Variants in C12orf42 observed in about 807,000 individuals in gnomAD.
C12orf42 encodes the protein chromosome 12 open reading frame 42.
C12orf42 carries 25 observed loss-of-function variants against 21.6 expected under a neutral mutation model. That is an observed-to-expected ratio of 1.16 (90% CI 0.84 to 1.62). C12orf42 has a LOEUF of 1.62. C12orf42 is among the 40% of genes most tolerant of loss of function. C12orf42 has a pLI of 0.00. For synonymous variants in C12orf42, 174 were observed against 175.0 expected (o/e 0.99, Z 0.05); for missense variants, 483 against 459.3 (o/e 1.05, Z -0.47).
intron 4 of C12orf42, among the ~76,000 whole-genome samples, chr12:103,360,664 A>C (rs77621470): frequency 2.0e-5 from 3 of 148,674 alleles, no homozygotes; most frequent in Non-Finnish European, 4.6e-5. Flanking sequence ...TAAAAGAATA[A>C]AGAAGTTGGC....
At chr12:103,223,271 C>A in the C12orf42 span, among the ~76,000 whole-genome samples, 2 of 152,042 alleles carry the variant, frequency 1.3e-5, no homozygotes, top group Admixed American at 1.3e-4. Flanking sequence ...TCGTGGGAAC[C>A]TAGAGTGGGA....
chr12:103,346,736 C>A (rs917597982), intron 4 of C12orf42, among the ~76,000 whole-genome samples: 1 of 152,188 alleles, frequency 6.6e-6, no homozygotes, highest in Non-Finnish European at 1.5e-5. Flanking sequence ...CACTACAATA[C>A]GCCATCTGTA....
the C12orf42 span, among the ~76,000 whole-genome samples, chr12:103,093,171 C>T: frequency 6.6e-6 from 1 of 152,200 alleles, no homozygotes; most frequent in African/African-American, 2.4e-5. Flanking sequence ...TCATTTCTCA[C>T]ACCTGGTTTC....
intron 4 of C12orf42, among the ~76,000 whole-genome samples, chr12:103,350,348 T>C (rs1036811450): frequency 2.0e-5 from 3 of 152,202 alleles, no homozygotes; most frequent in Admixed American, 1.3e-4. Context: ...ATGCTGCACA[T>C]GCAACCTGCC....
At chr12:103,276,572 T>G (rs1343324861) in intron 5 of C12orf42, among the ~76,000 whole-genome samples, 1 of 152,152 alleles carries the variant, frequency 6.6e-6, no homozygotes, top group African/African-American at 2.4e-5. Context: ...GAAGGCGAGG[T>G]ATCAGCTAGG....
intron 4 of C12orf42, among the ~76,000 whole-genome samples, chr12:103,312,184 TC>T (rs1341146154): frequency 6.6e-6 from 1 of 152,174 alleles, no homozygotes; most frequent in Non-Finnish European, 1.5e-5. Flanking sequence ...CTTGTTACAC[TC>T]CCTTCTTAGG....
At chr12:103,279,368 G>C (rs1271579525) in intron 4 of C12orf42, among the ~76,000 whole-genome samples, 1 of 151,404 alleles carries the variant, frequency 6.6e-6, no homozygotes, top group Non-Finnish European at 1.5e-5. Context: ...ATATATGCAG[G>C]GTTTTTATTA....
At chr12:103,190,615 A>G in the C12orf42 span, among the ~76,000 whole-genome samples, 1 of 152,250 alleles carries the variant, frequency 6.6e-6, no homozygotes, top group Non-Finnish European at 1.5e-5. Context: ...CTAAACTGAA[A>G]AATGCCATAT....
At chr12:103,257,261 T>C (rs2034660180) in intron 10 of C12orf42, among the ~76,000 whole-genome samples, 1 of 152,110 alleles carries the variant, frequency 6.6e-6, no homozygotes, top group Non-Finnish European at 1.5e-5. Flanking sequence ...CTCAACTTAA[T>C]ACCTGGGTAA....
In C12orf42 at chr12:103,388,230, T is replaced by C. The variant is rs138622319; in HGVS notation, c.147+13377A>G. Among the ~76,000 whole-genome samples the C allele has an allele frequency of 1.5e-3, 228 of 152,314 alleles. 2 individuals carry two copies. The highest frequency in any genetic ancestry group is 5.2e-3 in the African/African-American group (215 of 41,562). On this transcript the variant is annotated intron_variant, in intron 3 of 5. Coordinates refer to ENST00000548883, the MANE Select transcript of C12orf42 (RefSeq NM_198521.5). Reference sequence around the variant, plus strand: ...CCATTCCTGGCCTCTGGAGAGTCTCTTCCTGTCTGGCCTTTCTGCTTTGAT... The same window carrying C: ...CCATTCCTGGCCTCTGGAGAGTCTCCTCCTGTCTGGCCTTTCTGCTTTGAT...
At chr12:103,486,810 C>T (rs568117633) in intron 1 of C12orf42, among the ~76,000 whole-genome samples, 2 of 152,094 alleles carry the variant, frequency 1.3e-5, no homozygotes, top group African/African-American at 4.8e-5. Flanking sequence ...GGTGATATCC[C>T]CTATATGATT....
At chr12:103,051,250 A>G in the C12orf42 span, among the ~76,000 whole-genome samples, 1 of 152,352 alleles carries the variant, frequency 6.6e-6, no homozygotes, top group Non-Finnish European at 1.5e-5. Context: ...TGCTTCAGCC[A>G]TCAACTGAGG....
the C12orf42 span, among the ~76,000 whole-genome samples, chr12:103,189,859 A>T: frequency 6.6e-6 from 1 of 152,226 alleles, no homozygotes; most frequent in Non-Finnish European, 1.5e-5. Context: ...ATATTTGGCC[A>T]GACTGAGTTG....
intron 3 of C12orf42, among the ~76,000 whole-genome samples, chr12:103,371,738 A>G (rs1344230145): frequency 6.6e-6 from 1 of 152,106 alleles, no homozygotes; most frequent in African/African-American, 2.4e-5. Context: ...AATTCAGAGC[A>G]GGGGTTATAA....
the C12orf42 span, among the ~76,000 whole-genome samples, chr12:103,213,741 C>T: frequency 1.1e-4 from 17 of 152,188 alleles, no homozygotes; most frequent in African/African-American, 4.1e-4. Context: ...GAGAAAAACT[C>T]ACCAGAAAGT....
the C12orf42 span, among the ~76,000 whole-genome samples, chr12:103,529,016 T>C: frequency 6.6e-6 from 1 of 152,142 alleles, no homozygotes; most frequent in Non-Finnish European, 1.5e-5. Flanking sequence ...GTTTCTACCA[T>C]TCAATGTTTC....
chr12:103,208,976 C>T, the C12orf42 span, among the ~76,000 whole-genome samples: 1 of 152,018 alleles, frequency 6.6e-6, no homozygotes, highest in Admixed American at 6.6e-5. Flanking sequence ...TATCAGTGTC[C>T]TGATTAACTC....
chr12:103,202,891 T>A, the C12orf42 span, among the ~76,000 whole-genome samples: 1 of 152,178 alleles, frequency 6.6e-6, no homozygotes, highest in Non-Finnish European at 1.5e-5. Context: ...CAGGTACACC[T>A]GTATAGCTAG....
chr12:103,551,221 G>A, the C12orf42 span, among the ~76,000 whole-genome samples: 1 of 143,022 alleles, frequency 7.0e-6, no homozygotes, highest in African/African-American at 2.6e-5. Context: ...TGTTGATTCT[G>A]ATTCAATACC....
Sources: gnomAD v4.1 joint callset for allele counts (sites outside exome capture counted in the v4.1 genomes callset) on GRCh38, gnomAD v4.1.1 for gene constraint, MANE v1.5 for transcripts, NCBI Gene and HGNC (gene_info 2026-07-23, HGNC 2026-07-21) for gene names.